Variants in TNFAIP8L3 observed in about 807,000 individuals in gnomAD.
TNFAIP8L3 encodes the protein TNF alpha induced protein 8 like 3.
TNFAIP8L3 carries 7 observed loss-of-function variants against 11.8 expected under a neutral mutation model. The ratio of observed to expected loss-of-function variants is 0.59; its 90% confidence interval spans 0.34 to 1.11. The LOEUF (loss-of-function observed/expected upper bound fraction) is 1.11. Among genes scored for constraint, TNFAIP8L3 ranks in the 50% most tolerant of loss-of-function variants. TNFAIP8L3 has a pLI of 0.03. For missense variants in TNFAIP8L3, 219 were observed against 258.6 expected (o/e 0.85, Z 1.05); for synonymous variants, 98 against 103.8 (o/e 0.94, Z 0.34).
At chr15:51,088,091 CA>C (rs2065442899) in intron 1 of TNFAIP8L3, among the ~76,000 whole-genome samples, 1 of 151,316 alleles carries the variant, frequency 6.6e-6, no homozygotes. Flanking sequence ...AGGCATTTTA[CA>C]TAAAGAGTTG....
At chr15:51,082,429 T>G (rs2140975844) in intron 1 of TNFAIP8L3, among the ~76,000 whole-genome samples, 1 of 152,340 alleles carries the variant, frequency 6.6e-6, no homozygotes, top group African/African-American at 2.4e-5. Context: ...CTGGAAGTTG[T>G]TCCAGGTGAG....
At chr15:51,102,790 C>G (rs2065563718) in intron 1 of TNFAIP8L3, among the ~76,000 whole-genome samples, 1 of 152,174 alleles carries the variant, frequency 6.6e-6, no homozygotes, top group East Asian at 1.9e-4. Flanking sequence ...CTGCTACTTC[C>G]TTTACTACAT....
chr15:51,094,290 C>G lies in TNFAIP8L3; in HGVS notation c.52+254G>C, dbSNP rs927257112. On this transcript the variant is annotated intron_variant, in intron 1 of 1. Transcript: ENST00000637513. This position sits in a 1 kb window ranked among gnomAD's most constrained non-coding sequence, Gnocchi z 4.4. The stretch of plus-strand genomic sequence containing the variant: ...AACCCTTCCCCGCCCCCACCCAGCC[C>G]GGGCGACCAGAGCCCGCCGCGGGAG... Among the ~76,000 whole-genome samples the G allele has an allele frequency of 6.6e-6, 1 of 152,178 alleles. No individual in the cohort carries two copies. Among genetic ancestry groups the G allele is most frequent in the South Asian group, 2.1e-4 (1 of 4,828 alleles).
At chr15:51,078,113 C>T (rs2065367717) in intron 1 of TNFAIP8L3, among the ~76,000 whole-genome samples, 1 of 152,050 alleles carries the variant, frequency 6.6e-6, no homozygotes, top group Admixed American at 6.5e-5. Flanking sequence ...TGGGCAGCCC[C>T]GGAAGAGGCC....
intron 1 of TNFAIP8L3, among the ~76,000 whole-genome samples, chr15:51,070,854 G>A (rs1273522939): frequency 3.3e-5 from 5 of 149,746 alleles, no homozygotes; most frequent in East Asian, 1.9e-4. Flanking sequence ...AGACCATCCC[G>A]GCTAAAACGG....
rs1178883007 is a variant in TNFAIP8L3 at position 51,105,130 on chromosome 15, CA to C, written c.46del (p.Cys16ValfsTer49). ...CAGTTTCCCCTTTGGCTCTGCCTCA[CA>C]GAGTGTGGAAACCAGTGTGCTTGGG... is the stretch of plus-strand genomic sequence containing the variant. On this transcript the variant is annotated frameshift_variant, in exon 1 of 3. Coordinates refer to the TNFAIP8L3 transcript ENST00000327536. LOFTEE classifies it high-confidence loss of function. 6.2e-6 allele frequency: 10 copies of C among 1,614,044 alleles called. No individual in the cohort carries two copies. The highest frequency in any genetic ancestry group is 8.5e-6 in the Non-Finnish European group (10 of 1,180,060).
rs2065216465 is a variant in TNFAIP8L3, at chr15:51,057,918, T to C, written c.578A>G (p.Glu193Gly). ...CTCATCTAGCAACTTATTGATTCCTTCACAAATCCTCTTGAGGTTGGGCCT... is the reference window on the plus strand; with the variant it reads ...CTCATCTAGCAACTTATTGATTCCTCCACAAATCCTCTTGAGGTTGGGCCT... ...DCRPNLKRICEGINKLLDEKV... is the reference protein window; with the variant it reads ...DCRPNLKRICGGINKLLDEKV... Residue 193 changes from glutamate to glycine, a missense_variant, in exon 2 of 2, where the codon GAA becomes GGA. Transcript: ENST00000637513. The C allele has an allele frequency of 3.8e-6, 6 of 1,596,570 alleles. No homozygotes were observed. Among genetic ancestry groups the C allele is most frequent in the Non-Finnish European group, 5.1e-6 (6 of 1,172,944 alleles).
At chr15:51,069,837 C>T (rs1403436350) in intron 1 of TNFAIP8L3, among the ~76,000 whole-genome samples, 1 of 152,224 alleles carries the variant, frequency 6.6e-6, no homozygotes, top group Non-Finnish European at 1.5e-5. Context: ...GTTCACCAGA[C>T]ACCAAAGCCT....
chr15:51,067,696 G>A (rs2065281205), intron 1 of TNFAIP8L3, among the ~76,000 whole-genome samples: 1 of 152,194 alleles, frequency 6.6e-6, no homozygotes, highest in South Asian at 2.1e-4. Flanking sequence ...ATATGTTTAT[G>A]TGTGCTTGGT....
chr15:51,063,898 T>C (rs1289659645), intron 1 of TNFAIP8L3, among the ~76,000 whole-genome samples: 1 of 152,304 alleles, frequency 6.6e-6, no homozygotes, highest in African/African-American at 2.4e-5. Flanking sequence ...TCTAAAGTCA[T>C]GGATATAGGC....
chr15:51,092,814 C>G (rs1438988241), intron 1 of TNFAIP8L3, among the ~76,000 whole-genome samples: 5 of 152,280 alleles, frequency 3.3e-5, no homozygotes, highest in Admixed American at 6.5e-5. Flanking sequence ...CACCCAAGTA[C>G]CAGGGATTCT....
chr15:51,095,304 G>A (rs560757200), upstream of TNFAIP8L3, among the ~76,000 whole-genome samples: 1 of 152,086 alleles, frequency 6.6e-6, no homozygotes, highest in African/African-American at 2.4e-5. Context: ...GGAGATGACA[G>A]TTGGACTGTT....
chr15:51,076,615 T>C (rs936339865), intron 1 of TNFAIP8L3, among the ~76,000 whole-genome samples: 1 of 152,152 alleles, frequency 6.6e-6, no homozygotes, highest in Non-Finnish European at 1.5e-5. Flanking sequence ...ACAATCAAGA[T>C]GCCAGGGTGT....
At chr15:51,071,030 G>C (rs1165765234) in intron 1 of TNFAIP8L3, among the ~76,000 whole-genome samples, 3 of 111,510 alleles carry the variant, frequency 2.7e-5, no homozygotes, top group African/African-American at 1.1e-4. Context: ...CAGCCTGGGC[G>C]ACAGAGCGAG....
chr15:51,058,047 T>C lies in TNFAIP8L3; in HGVS notation c.449A>G (p.Gln150Arg), dbSNP rs1417987768. The change falls in exon 2 of 2, where the codon CAG becomes CGG. Residue 150 changes from glutamine to arginine, a missense_variant. Physicochemically the swap from Gln to Arg is conservative, Grantham distance 43. Transcript: ENST00000637513. ...ECKDLVHELV[Q>R]RHLTPRTHGR... ...GTGGGTCCTGGGCGTCAGGTGCCGC[T>C]GCACCAGTTCATGCACCAGGTCCTT... 3 of 1,614,186 alleles carry C rather than the reference T, an allele frequency of 1.9e-6. No individual in the cohort carries two copies. The highest frequency in any genetic ancestry group is 2.5e-6 in the Non-Finnish European group (3 of 1,180,028).
chr15:51,065,135 C>T (rs1205401944), intron 1 of TNFAIP8L3, among the ~76,000 whole-genome samples: 1 of 152,174 alleles, frequency 6.6e-6, no homozygotes, highest in Non-Finnish European at 1.5e-5. Flanking sequence ...GCAAATTCAT[C>T]CTGGTAGAAA....
At position 51,094,650 on chromosome 15, in the gene TNFAIP8L3, G is replaced by C. The variant is rs780454182; in HGVS notation, c.-55C>G. 5.1e-6 allele frequency: 7 copies of C among 1,370,394 alleles called. No homozygotes were observed. Among genetic ancestry groups the C allele is most frequent in the Non-Finnish European group, 6.6e-6 (7 of 1,062,780 alleles). The allele number at this position is 1,370,394 out of a possible 1,614,324, so 84.9% of individuals were successfully genotyped here. ...CCACCCGCCCGTCTGCGGGGCGCTC[G>C]GGCAGCCGCGGCGCACTCAGGGCGG... On this transcript the variant is annotated 5_prime_UTR_variant, in exon 1 of 2. Transcript: ENST00000637513. This position sits in a 1 kb window ranked among gnomAD's most constrained non-coding sequence, Gnocchi z 4.4.
chr15:51,095,653 G>GAA (rs112523783), upstream of TNFAIP8L3, among the ~76,000 whole-genome samples: 39 of 148,826 alleles, frequency 2.6e-4, no homozygotes, highest in African/African-American at 8.9e-4. Context: ...TTTATGAAAG[G>GAA]AAAAAAAAAA....
At chr15:51,066,032 A>G (rs2065268753) in intron 1 of TNFAIP8L3, among the ~76,000 whole-genome samples, 1 of 152,028 alleles carries the variant, frequency 6.6e-6, no homozygotes, top group Admixed American at 6.5e-5. Context: ...CTGGTAGTCC[A>G]AGTTTCTGGC....
Sources: allele counts gnomAD v4.1 joint callset (sites outside exome capture counted in the v4.1 genomes callset), GRCh38; gene constraint gnomAD v4.1.1; non-coding constraint Gnocchi (gnomAD v3.1); transcripts MANE v1.5; gene names NCBI Gene and HGNC (gene_info 2026-07-23, HGNC 2026-07-21).